The following ANK3 variants were observed in gnomAD, a reference collection of about 807,000 sequenced individuals.
The protein encoded by ANK3 is ankyrin 3, also known as ankyrin-3.
Under a neutral mutation model 370.9 loss-of-function variants are expected in ANK3, and 57 were observed. The ratio of observed to expected loss-of-function variants is 0.15; its 90% confidence interval spans 0.12 to 0.19. The LOEUF is 0.19. ANK3 is among the 10% of genes least tolerant of loss of function. ANK3 has a pLI of 1.00. For synonymous variants in ANK3, 1,929 were observed against 1,946.3 expected, an observed-to-expected ratio of 0.99 and a Z score of 0.23; for missense variants, 4,439 against 5,302.1, an observed-to-expected ratio of 0.84 and a Z score of 5.06.
intron 1 of ANK3, among the ~76,000 whole-genome samples, chr10:60,693,775 G>A (rs1189395172): frequency 6.6e-6 from 1 of 152,144 alleles, no homozygotes; most frequent in East Asian, 1.9e-4. Flanking sequence ...AAGACCAAAA[G>A]TAGATAAAAC....
intron 4 of ANK3, among the ~76,000 whole-genome samples, chr10:60,276,416 T>C (rs1435154146): frequency 6.6e-6 from 1 of 152,316 alleles, no homozygotes; most frequent in Non-Finnish European, 1.5e-5. Context: ...GGAATTATCA[T>C]TGAAACTCCA....
At chr10:60,466,065 ACT>A (rs2065006050) in intron 2 of ANK3, among the ~76,000 whole-genome samples, 1 of 152,034 alleles carries the variant, frequency 6.6e-6, no homozygotes, top group Admixed American at 6.6e-5. Flanking sequence ...TGGTCCTGCC[ACT>A]CACTCTCTTC....
chr10:60,292,325 CAAA>C (rs1414681308), intron 1 of ANK3, among the ~76,000 whole-genome samples: 1 of 149,258 alleles, frequency 6.7e-6, no homozygotes, highest in Non-Finnish European at 1.5e-5. Flanking sequence ...CCTCTTGAGA[CAAA>C]GAAGCATGAG....
intron 7 of ANK3, among the ~76,000 whole-genome samples, chr10:60,259,330 GCCT>G (rs1186641578): frequency 6.6e-6 from 1 of 152,134 alleles, no homozygotes; most frequent in African/African-American, 2.4e-5. Context: ...AACAGCCCAA[GCCT>G]CCTATTAAAT....
intron 8 of ANK3, among the ~76,000 whole-genome samples, chr10:60,231,999 C>T (rs983794430): frequency 6.6e-6 from 1 of 152,170 alleles, no homozygotes; most frequent in Middle Eastern, 3.2e-3. Context: ...GCACACCAAA[C>T]TTTGCCTATG....
intron 2 of ANK3, among the ~76,000 whole-genome samples, chr10:60,589,948 C>T (rs2077887303): frequency 1.3e-5 from 2 of 152,294 alleles, no homozygotes; most frequent in East Asian, 1.9e-4. Flanking sequence ...TTTGCTGCTA[C>T]TTGGATTTCT....
At chr10:60,189,000 T>G (rs895784291) in intron 16 of ANK3, among the ~76,000 whole-genome samples, 1 of 152,192 alleles carries the variant, frequency 6.6e-6, no homozygotes, top group African/African-American at 2.4e-5. Context: ...CCTAACTACT[T>G]CGAGTGGTAA....
At chr10:60,039,844 T>C (rs909347485) in intron 43 of ANK3, among the ~76,000 whole-genome samples, 2 of 152,196 alleles carry the variant, frequency 1.3e-5, no homozygotes, top group Non-Finnish European at 2.9e-5. Flanking sequence ...GTTATTATTC[T>C]TTGTAAATAA....
In ANK3 at chr10:60,140,486, C is replaced by T. The variant is rs1286045662; in HGVS notation, c.2615-1399G>A. ...AACCAATCCCTGGTTTGTATCCACT[C>T]TCTTCACCACCGCTGAATTCCTCTC... On this transcript the variant is annotated intron_variant, in intron 23 of 43. Transcript: ENST00000280772. 10 of 1,577,598 alleles carry T rather than the reference C, an allele frequency of 6.3e-6. No individual in the cohort carries two copies. The Admixed American group carries it at 8.9e-5, about 14-fold the overall frequency.
chr10:60,558,069 C>A (rs1271188904), intron 2 of ANK3, among the ~76,000 whole-genome samples: 1 of 152,142 alleles, frequency 6.6e-6, no homozygotes, highest in African/African-American at 2.4e-5. Flanking sequence ...TCTCCTAGGC[C>A]TTTGCACCTT....
At chr10:60,311,720 T>TTTGCAG (rs1192279126) in intron 1 of ANK3, among the ~76,000 whole-genome samples, 2 of 152,190 alleles carry the variant, frequency 1.3e-5, no homozygotes, top group African/African-American at 4.8e-5. Context: ...AGAATTTGAA[T>TTTGCAG]TTGCAGTTCC....
At chr10:60,199,370 G>T (rs1231523803) in intron 13 of ANK3, among the ~76,000 whole-genome samples, 1 of 152,058 alleles carries the variant, frequency 6.6e-6, no homozygotes, top group Non-Finnish European at 1.5e-5. Context: ...AAAGTAAGAG[G>T]GGCTATCTAA....
intron 2 of ANK3, among the ~76,000 whole-genome samples, chr10:60,570,893 A>G (rs2077578655): frequency 6.6e-6 from 1 of 152,160 alleles, no homozygotes; most frequent in Admixed American, 6.5e-5. Flanking sequence ...TAAAAGCTCG[A>G]TGATTTACAA....
chr10:60,700,066 C>G (rs2133416355), intron 1 of ANK3, among the ~76,000 whole-genome samples: 1 of 152,246 alleles, frequency 6.6e-6, no homozygotes, highest in East Asian at 1.9e-4. Flanking sequence ...CTCTCTTTCC[C>G]ATACCCACTC....
At chr10:60,121,512 C>CA (rs2093470557) in intron 25 of ANK3, among the ~76,000 whole-genome samples, 1 of 151,478 alleles carries the variant, frequency 6.6e-6, no homozygotes, top group African/African-American at 2.4e-5. Flanking sequence ...GGCAACATGG[C>CA]AAAATTCCAT....
At chr10:60,195,598 T>C (rs895849547) in intron 16 of ANK3, among the ~76,000 whole-genome samples, 1 of 152,110 alleles carries the variant, frequency 6.6e-6, no homozygotes, top group African/African-American at 2.4e-5. Flanking sequence ...TTATGATTTG[T>C]CCCTCAAATT....
intron 7 of ANK3, among the ~76,000 whole-genome samples, chr10:60,251,049 G>C (rs181642297): frequency 6.6e-6 from 1 of 152,292 alleles, no homozygotes; most frequent in African/African-American, 2.4e-5. Context: ...CTTTGTACAA[G>C]TTATGGAACT....
At chr10:60,460,348 T>G (rs1219051348) in intron 2 of ANK3, among the ~76,000 whole-genome samples, 1 of 152,050 alleles carries the variant, frequency 6.6e-6, no homozygotes, top group Non-Finnish European at 1.5e-5. Flanking sequence ...ATTAGAAACT[T>G]GGGGAGAAAA....
chr10:60,253,921 T>C (rs925319971), intron 7 of ANK3, among the ~76,000 whole-genome samples: 1 of 152,160 alleles, frequency 6.6e-6, no homozygotes, highest in African/African-American at 2.4e-5. Context: ...CTGCTATAAG[T>C]GGTTTTTATT....
Sources: gnomAD v4.1 joint callset for allele counts (sites outside exome capture counted in the v4.1 genomes callset) on GRCh38, gnomAD v4.1.1 for gene constraint, MANE v1.5 for transcripts, NCBI Gene and HGNC (gene_info 2026-07-23, HGNC 2026-07-21) for gene names.